The following KMT2C variants were observed in gnomAD, a reference collection of about 807,000 sequenced individuals.
KMT2C encodes the protein histone-lysine N-methyltransferase 2C.
In KMT2C, 88 loss-of-function variants were observed where a neutral mutation model predicts 507.9. The ratio of observed to expected loss-of-function variants is 0.17; its 90% CI spans 0.15 to 0.21. KMT2C has a LOEUF of 0.21. Ranked by LOEUF, KMT2C falls within the 10% of genes least tolerant of loss-of-function variation. The pLI is 1.00. For missense variants in KMT2C, 4,954 were observed against 5,957.8 expected, an observed-to-expected ratio of 0.83 and a Z score of 5.55; for synonymous variants, 2,049 against 2,080.8, an observed-to-expected ratio of 0.98 and a Z score of 0.42.
chr7:152,414,055 C>A (rs2097709160), intron 1 of KMT2C, among the ~76,000 whole-genome samples: 1 of 151,182 alleles, frequency 6.6e-6, no homozygotes, highest in Non-Finnish European at 1.5e-5. Context: ...ACTAAAAATA[C>A]AAAATTTAGC....
intron 1 of KMT2C, among the ~76,000 whole-genome samples, chr7:152,387,435 A>T (rs1236332774): frequency 8.4e-6 from 1 of 118,678 alleles, no homozygotes; most frequent in Non-Finnish European, 1.6e-5. Context: ...TGCCAAAAAA[A>T]AAAGTGACAA....
At chr7:152,387,693 G>A (rs1281216732) in intron 1 of KMT2C, among the ~76,000 whole-genome samples, 1 of 152,122 alleles carries the variant, frequency 6.6e-6, no homozygotes, top group African/African-American at 2.4e-5. Flanking sequence ...GGATGGTCTC[G>A]ATCTCCTGAC....
chr7:152,426,718 T>C (rs116611602), intron 1 of KMT2C, among the ~76,000 whole-genome samples: 38 of 152,314 alleles, frequency 2.5e-4, no homozygotes, highest in African/African-American at 8.9e-4. Context: ...TTCTAAATTC[T>C]ACACATATAT....
intron 1 of KMT2C, chr7:152,367,996 A>T (rs746362512): frequency 4.7e-6 from 4 of 852,682 alleles, no homozygotes. Flanking sequence ...AAAGAAATCC[A>T]AGAACATAAA....
In KMT2C at chr7:152,242,694, T is replaced by C. The variant is rs139924510; in HGVS notation, c.2533-3868A>G. Among the ~76,000 whole-genome samples, 554 of 152,308 alleles carry C rather than the reference T, an allele frequency of 3.6e-3. 3 individuals are homozygous for C. Among genetic ancestry groups the C allele is most frequent in the African/African-American group, 0.013 (531 of 41,568 alleles). On this transcript the variant is annotated intron_variant, in intron 14 of 58. Coordinates refer to ENST00000262189, the MANE Select transcript of KMT2C (RefSeq NM_170606.3). ...CTGTGGGATGGGGAAATGAGAACAA[T>C]AATGACACGTGGAGGATAGGCTATT...
chr7:152,250,223 TA>T (rs2095542507), intron 12 of KMT2C, among the ~76,000 whole-genome samples: 1 of 152,200 alleles, frequency 6.6e-6, no homozygotes, highest in Admixed American at 6.5e-5. Context: ...TGAGAGTTAT[TA>T]TACGTAAACT....
At chr7:152,153,803 CT>C (rs1188444199) in intron 48 of KMT2C, among the ~76,000 whole-genome samples, 1 of 151,728 alleles carries the variant, frequency 6.6e-6, no homozygotes, top group Non-Finnish European at 1.5e-5. Flanking sequence ...TCTAATTTCC[CT>C]TTTTACTTGA....
At chr7:152,180,150 ACTGGGATTTGTGG>A (rs752048977) in intron 36 of KMT2C, 24 bp from the exon 37 acceptor site, 1 of 1,612,898 alleles carries the variant, frequency 6.2e-7, no homozygotes, top group South Asian at 1.1e-5. Context: ...AACAAAAATC[ACTGGGATTTGTGG>A]TAATTAATGG....
intron 6 of KMT2C, among the ~76,000 whole-genome samples, chr7:152,292,641 G>A (rs1274026418): frequency 6.6e-6 from 1 of 152,106 alleles, no homozygotes; most frequent in African/African-American, 2.4e-5. Context: ...CACAGCTGGA[G>A]GACCGAATGT....
chr7:152,191,304 C>T (rs1438187625), intron 31 of KMT2C, among the ~76,000 whole-genome samples: 1 of 151,984 alleles, frequency 6.6e-6, no homozygotes, highest in African/African-American at 2.4e-5. Flanking sequence ...CCTCCACTAC[C>T]TTCTACCAGC....
intron 9 of KMT2C, among the ~76,000 whole-genome samples, chr7:152,256,211 A>T (rs2095659173): frequency 6.6e-6 from 1 of 152,156 alleles, no homozygotes; most frequent in Non-Finnish European, 1.5e-5. Flanking sequence ...CTAGCAGAAA[A>T]TATGAACTCC....
intron 9 of KMT2C, among the ~76,000 whole-genome samples, chr7:152,258,498 TTTGTTGTTG>T (rs202144630): frequency 6.6e-6 from 1 of 151,336 alleles, no homozygotes; most frequent in South Asian, 2.1e-4. Flanking sequence ...AGGCAGTAAG[TTTGTTGTTG>T]TTGTTGTTGT....
chr7:152,167,010 T>C (rs913318338), intron 42 of KMT2C, 136 bp downstream of exon 42: 3 of 665,406 alleles, frequency 4.5e-6, no homozygotes, highest in African/African-American at 3.6e-5. Flanking sequence ...GAGCTGTCAC[T>C]TTTTGGCAAT....
intron 31 of KMT2C, among the ~76,000 whole-genome samples, chr7:152,193,062 C>G (rs2093851972): frequency 6.6e-6 from 1 of 152,136 alleles, no homozygotes; most frequent in African/African-American, 2.4e-5. Context: ...GTGGTCGCAG[C>G]TGCATGGGAG....
At chr7:152,204,477 C>T (rs540523989) in intron 25 of KMT2C, among the ~76,000 whole-genome samples, 63 of 151,940 alleles carry the variant, frequency 4.1e-4, no homozygotes, top group Non-Finnish European at 7.9e-4. Flanking sequence ...TGCCTGTGGT[C>T]TCCAGCTACA....
chr7:152,360,551 C>T (rs1228709354), intron 1 of KMT2C, among the ~76,000 whole-genome samples: 1 of 150,914 alleles, frequency 6.6e-6, no homozygotes, highest in Non-Finnish European at 1.5e-5. Context: ...TTAAGGTGAC[C>T]AGCCGGGCGT....
chr7:152,143,632 A>C (rs546891326), intron 55 of KMT2C, among the ~76,000 whole-genome samples: 38 of 152,356 alleles, frequency 2.5e-4, no homozygotes, highest in African/African-American at 9.1e-4. Context: ...AAAAGAATGA[A>C]TACAAAACAC....
Position 152,135,966 on chromosome 7 carries a change from C to T in KMT2C, c.*866G>A, listed in dbSNP as rs1485851994. The T allele has an allele frequency of 8.8e-6, 2 of 227,078 alleles. No individual in the cohort carries two copies. The highest frequency in any genetic ancestry group is 1.8e-5 in the Non-Finnish European group (2 of 114,172). The allele number at this position is 227,078 out of a possible 1,614,324, so 14.1% of individuals were successfully genotyped here. A position where few individuals can be genotyped will look rare whatever the true frequency, so the allele number is the denominator to read the frequency against. On this transcript the variant is annotated 3_prime_UTR_variant, in exon 59 of 59. Coordinates refer to ENST00000262189, the MANE Select transcript of KMT2C (RefSeq NM_170606.3). ...TTTATAACACAAAATTATATTGTAA[C>T]ATCCCTATGAACATTTTATAAGCCC...
intron 7 of KMT2C, among the ~76,000 whole-genome samples, chr7:152,272,512 C>A (rs911972250): frequency 6.6e-6 from 1 of 152,060 alleles, no homozygotes; most frequent in Admixed American, 6.6e-5. Context: ...TGATAACTGC[C>A]AGTTTATGCA....
Sources: allele counts gnomAD v4.1 joint callset (sites outside exome capture counted in the v4.1 genomes callset), GRCh38; gene constraint gnomAD v4.1.1; transcripts MANE v1.5; gene names NCBI Gene and HGNC (gene_info 2026-07-23, HGNC 2026-07-21).